AKAP6: variants seen among roughly 807,000 people sequenced by gnomAD.
AKAP6 encodes A-kinase anchoring protein 6, also known as A-kinase anchor protein 6.
In AKAP6, 58 loss-of-function variants were observed where a neutral mutation model predicts 188.5. The ratio of observed to expected loss-of-function variants is 0.31; its 90% CI spans 0.25 to 0.38. The LOEUF (loss-of-function observed/expected upper bound fraction) is 0.38. AKAP6 is among the 10% of genes least tolerant of loss of function. The pLI, the probability that AKAP6 is intolerant of heterozygous loss-of-function variation, is 1.00. For synonymous variants in AKAP6, 989 were observed against 998.6 expected (o/e 0.99, Z 0.18); for missense variants, 2,710 against 2,740.0 (o/e 0.99, Z 0.24).
chr14:32,378,617 G>A (rs1041006067), intron 1 of AKAP6, among the ~76,000 whole-genome samples: 6 of 152,200 alleles, frequency 3.9e-5, no homozygotes, highest in Non-Finnish European at 7.3e-5. Flanking sequence ...GTCCTCATGT[G>A]CATGATCTAT....
chr14:32,343,608 C>T (rs1886962504), intron 1 of AKAP6, among the ~76,000 whole-genome samples: 1 of 151,666 alleles, frequency 6.6e-6, no homozygotes, highest in Non-Finnish European at 1.5e-5. Flanking sequence ...ATTAGCCAGG[C>T]ATGATGGCAG....
At chr14:32,422,716 T>C (rs942555450) in intron 1 of AKAP6, among the ~76,000 whole-genome samples, 1 of 152,098 alleles carries the variant, frequency 6.6e-6, no homozygotes, top group Admixed American at 6.5e-5. Flanking sequence ...CATACACTTA[T>C]CAGGTATAGT....
intron 2 of AKAP6, among the ~76,000 whole-genome samples, chr14:32,499,618 T>A (rs1316704241): frequency 2.0e-5 from 3 of 151,912 alleles, no homozygotes; most frequent in Non-Finnish European, 4.4e-5. Flanking sequence ...GATAACATTT[T>A]TGACACTGTA....
intron 11 of AKAP6, among the ~76,000 whole-genome samples, chr14:32,741,017 T>C (rs1454694906): frequency 3.5e-5 from 5 of 141,256 alleles, no homozygotes; most frequent in Non-Finnish European, 8.0e-5. Context: ...TTTCCTTTTT[T>C]CTTTTTTTTT....
chr14:32,792,692 A>T (rs1164735075), intron 12 of AKAP6, among the ~76,000 whole-genome samples: 5 of 152,106 alleles, frequency 3.3e-5, no homozygotes, highest in Non-Finnish European at 7.4e-5. Flanking sequence ...TCCTTGTCTT[A>T]TGCTGGTTTT....
At chr14:32,763,894 T>C (rs2032620918) in intron 11 of AKAP6, among the ~76,000 whole-genome samples, 1 of 152,190 alleles carries the variant, frequency 6.6e-6, no homozygotes, top group African/African-American at 2.4e-5. Context: ...TTATTCATAC[T>C]TCATTTGAGG....
chr14:32,636,949 G>A (rs1235283070), intron 7 of AKAP6, among the ~76,000 whole-genome samples: 1 of 152,024 alleles, frequency 6.6e-6, no homozygotes, highest in Non-Finnish European at 1.5e-5. Flanking sequence ...ACACAAAATG[G>A]AGTCAGGGAA....
chr14:32,653,174 C>T (rs183860896), intron 7 of AKAP6, among the ~76,000 whole-genome samples: 44 of 152,264 alleles, frequency 2.9e-4, no homozygotes, highest in African/African-American at 9.4e-4. Flanking sequence ...TGTTTGGCCT[C>T]GAGTTAGGTA....
At chr14:32,478,247 C>T (rs1431785140) in intron 2 of AKAP6, among the ~76,000 whole-genome samples, 7 of 152,188 alleles carry the variant, frequency 4.6e-5, no homozygotes, top group Non-Finnish European at 8.8e-5. Context: ...CACACACGTA[C>T]GTGTGCCCAC....
At chr14:32,387,590 A>G (rs1888574683) in intron 1 of AKAP6, among the ~76,000 whole-genome samples, 1 of 150,782 alleles carries the variant, frequency 6.6e-6, no homozygotes, top group African/African-American at 2.4e-5. Context: ...TTCTGCATCT[A>G]TTGAGACGAT....
Position 32,827,510 on chromosome 14 carries a change from C to A in AKAP6, c.*43-2338C>A, listed in dbSNP as rs974043449. Among the ~76,000 whole-genome samples, 45 of 152,148 alleles carry A rather than the reference C, an allele frequency of 3.0e-4. 1 individual carries two copies. The highest frequency in any genetic ancestry group is 1.1e-3 in the African/African-American group (44 of 41,512). Reference sequence around the variant, plus strand: ...TATTTACTGTGTTCTAATTAAAAACCCACTGAAACTGCTTGAGAAGTTTTA... The same window carrying A: ...TATTTACTGTGTTCTAATTAAAAACACACTGAAACTGCTTGAGAAGTTTTA... On this transcript the variant is annotated intron_variant, in intron 13 of 13. Coordinates refer to ENST00000280979, the MANE Select transcript of AKAP6 (RefSeq NM_004274.5).
rs71115071 is a variant in AKAP6, at chr14:32,453,575, C to CTTTTTTTTTTTTTT, written c.324+19784_324+19797dup. Among the ~76,000 whole-genome samples the CTTTTTTTTTTTTTT allele has an allele frequency of 7.2e-4, 69 of 95,344 alleles. 10 individuals are homozygous for CTTTTTTTTTTTTTT. The highest frequency in any genetic ancestry group is 1.1e-3 in the Non-Finnish European group (49 of 46,562). 62.5% of individuals were successfully genotyped at this position (95,344 alleles called of 152,430 possible). A position where few individuals can be genotyped will look rare whatever the true frequency, so the allele number is the denominator to read the frequency against. ...GTGGAGATAATAGAATTTTTCTTTT[C>CTTTTTTTTTTTTTT]TTTTTTTTTTTTTTTTTTTTTTTTT... On this transcript the variant is annotated intron_variant, in intron 2 of 13. Transcript: ENST00000280979.
chr14:32,817,318 T>A (rs539069761), intron 12 of AKAP6, among the ~76,000 whole-genome samples: 2 of 152,282 alleles, frequency 1.3e-5, no homozygotes, highest in Non-Finnish European at 2.9e-5. Context: ...ATCATCATAA[T>A]CATTTCTCCA....
At chr14:32,409,942 C>T (rs77732882) in intron 1 of AKAP6, among the ~76,000 whole-genome samples, 7 of 152,062 alleles carry the variant, frequency 4.6e-5, no homozygotes, top group African/African-American at 1.2e-4. Flanking sequence ...CCCTGCAAAC[C>T]ATAAAGTCTC....
At chr14:32,395,701 A>G (rs1057213037) in intron 1 of AKAP6, among the ~76,000 whole-genome samples, 9 of 151,980 alleles carry the variant, frequency 5.9e-5, no homozygotes, top group African/African-American at 2.2e-4. Context: ...ACTTACACTT[A>G]TTTTTCCCCC....
intron 5 of AKAP6, among the ~76,000 whole-genome samples, chr14:32,592,440 G>A (rs1885525043): frequency 6.6e-6 from 1 of 152,150 alleles, no homozygotes; most frequent in Non-Finnish European, 1.5e-5. Context: ...TAATCTTAAA[G>A]GATGCCCAGG....
intron 8 of AKAP6, among the ~76,000 whole-genome samples, chr14:32,693,227 G>A (rs1373985204): frequency 6.6e-6 from 1 of 152,018 alleles, no homozygotes; most frequent in Non-Finnish European, 1.5e-5. Flanking sequence ...GTTACCTCTT[G>A]GCTTGGTCAG....
chr14:32,405,534 T>G (rs1889260087), intron 1 of AKAP6, among the ~76,000 whole-genome samples: 1 of 152,160 alleles, frequency 6.6e-6, no homozygotes, highest in African/African-American at 2.4e-5. Context: ...ATATTTCAGA[T>G]TTCAGTTTGC....
chr14:32,562,301 C>T (rs533259823), intron 4 of AKAP6, among the ~76,000 whole-genome samples: 12 of 152,126 alleles, frequency 7.9e-5, no homozygotes, highest in Admixed American at 4.6e-4. Context: ...TTGAGAAAGG[C>T]GTATGTGTGT....
Sources: gnomAD v4.1 joint callset for allele counts (sites outside exome capture counted in the v4.1 genomes callset) on GRCh38, gnomAD v4.1.1 for gene constraint, MANE v1.5 for transcripts, NCBI Gene and HGNC (gene_info 2026-07-23, HGNC 2026-07-21) for gene names.